The following TBC1D4 variants were observed in gnomAD, a reference collection of about 807,000 sequenced individuals.
TBC1D4 encodes the protein TBC (Tre-2, BUB2, CDC16) domain-containing protein.
In TBC1D4, 121 loss-of-function variants were observed where a neutral mutation model predicts 142.5. That is an observed-to-expected ratio of 0.85 (90% CI 0.73 to 0.99). The LOEUF is 0.99. Among genes scored for constraint, TBC1D4 ranks in the 50% least tolerant of loss-of-function variants. TBC1D4 has a pLI of 0.00. For missense variants in TBC1D4, 1,475 were observed against 1,606.6 expected, an observed-to-expected ratio of 0.92 and a Z score of 1.40; for synonymous variants, 630 against 628.2, an observed-to-expected ratio of 1.00 and a Z score of -0.04.
intron 1 of TBC1D4, chr13:75,377,299 C>T (rs1262700688): frequency 1.3e-5 from 2 of 152,160 alleles, no homozygotes; most frequent in Admixed American, 6.6e-5. Context: ...ACAGCTAGGG[C>T]CATCTGCTAC....
Position 75,426,735 on chromosome 13 carries a change from A to C in TBC1D4, c.498+54535T>G, listed in dbSNP as rs540744915. Among the ~76,000 whole-genome samples, 3 of 152,292 alleles carry C rather than the reference A, an allele frequency of 2.0e-5. No homozygotes were observed. In the South Asian group the frequency reaches 6.2e-4, roughly 32 times the overall value. On this transcript the variant is annotated intron_variant, in intron 1 of 20. Coordinates refer to ENST00000377636, the MANE Select transcript of TBC1D4 (RefSeq NM_014832.5). ...AGCATCCCCAAAACAAAAAGCTTTAAACAGAAGTAGAAAGAATGAATATTG... is the reference window on the plus strand; with the variant it reads ...AGCATCCCCAAAACAAAAAGCTTTACACAGAAGTAGAAAGAATGAATATTG...
intron 1 of TBC1D4, among the ~76,000 whole-genome samples, chr13:75,447,765 A>ATG (rs1887353529): frequency 1.3e-5 from 2 of 152,040 alleles, no homozygotes; most frequent in African/African-American, 4.8e-5. Context: ...GATCAGCAGC[A>ATG]GCATTAGATT....
At chr13:75,435,049 T>C (rs1273446762) in intron 1 of TBC1D4, among the ~76,000 whole-genome samples, 1 of 151,644 alleles carries the variant, frequency 6.6e-6, no homozygotes, top group Non-Finnish European at 1.5e-5. Flanking sequence ...CAATGAATGC[T>C]CTTTAACCCA....
At chr13:75,479,665 C>T (rs1271188833) in intron 1 of TBC1D4, among the ~76,000 whole-genome samples, 1 of 151,810 alleles carries the variant, frequency 6.6e-6, no homozygotes, top group Non-Finnish European at 1.5e-5. Flanking sequence ...AAAAATGCAA[C>T]TGGCTCCTCT....
intron 1 of TBC1D4, among the ~76,000 whole-genome samples, chr13:75,414,260 T>G (rs1885817639): frequency 6.6e-6 from 1 of 152,152 alleles, no homozygotes; most frequent in Non-Finnish European, 1.5e-5. Flanking sequence ...GCCAGGTCAC[T>G]CTGTAGAAAG....
At chr13:75,464,023 G>C (rs557871369) in intron 1 of TBC1D4, among the ~76,000 whole-genome samples, 249 of 152,290 alleles carry the variant, frequency 1.6e-3, no homozygotes, top group Non-Finnish European at 2.3e-3. Context: ...GTTTATTTCT[G>C]TCAGAATTCA....
intron 4 of TBC1D4, among the ~76,000 whole-genome samples, chr13:75,355,411 G>A (rs1755804): frequency 0.99 from 151,080 of 152,374 alleles, 74,905 homozygotes; most frequent in Middle Eastern, 1. Context: ...TTTCTTAGCC[G>A]CTCAGATATA....
chr13:75,367,325 G>A (rs564617195), intron 1 of TBC1D4, among the ~76,000 whole-genome samples: 2 of 151,934 alleles, frequency 1.3e-5, no homozygotes, highest in South Asian at 2.1e-4. Context: ...TTATTCACAC[G>A]GTTCACTGAT....
intron 15 of TBC1D4, chr13:75,302,820 G>A (rs531188400): frequency 8.8e-6 from 2 of 227,670 alleles, no homozygotes; most frequent in African/African-American, 4.6e-5. Context: ...TGGCTAGGAA[G>A]TGGCAGTTTA....
At chr13:75,430,475 TG>T (rs1385334488) in intron 1 of TBC1D4, among the ~76,000 whole-genome samples, 1 of 152,240 alleles carries the variant, frequency 6.6e-6, no homozygotes, top group African/African-American at 2.4e-5. Context: ...TCTTAATATC[TG>T]TATCTTCTTT....
chr13:75,339,535 C>T (rs76656919), intron 7 of TBC1D4, among the ~76,000 whole-genome samples: 526 of 152,228 alleles, frequency 3.5e-3, no homozygotes, highest in African/African-American at 0.011. Context: ...AATTCCAGTG[C>T]CTGCATGGAG....
At chr13:75,395,557 A>G (rs1884747258) in intron 1 of TBC1D4, among the ~76,000 whole-genome samples, 1 of 152,196 alleles carries the variant, frequency 6.6e-6, no homozygotes, top group Admixed American at 6.5e-5. Context: ...ACGGCTAGGC[A>G]CGGTGGCTCA....
At chr13:75,433,934 A>G (rs1886688584) in intron 1 of TBC1D4, among the ~76,000 whole-genome samples, 1 of 152,250 alleles carries the variant, frequency 6.6e-6, no homozygotes, top group African/African-American at 2.4e-5. Flanking sequence ...TGATCATTAG[A>G]GAAACGCAAA....
intron 1 of TBC1D4, among the ~76,000 whole-genome samples, chr13:75,393,757 C>T (rs1884618065): frequency 7.9e-5 from 12 of 152,000 alleles, no homozygotes; most frequent in Admixed American, 7.9e-4. Flanking sequence ...CCCGGAGAAA[C>T]CCCAACTCTA....
chr13:75,386,386 C>CTTTTTTT (rs67450573), intron 1 of TBC1D4, among the ~76,000 whole-genome samples: 25 of 143,742 alleles, frequency 1.7e-4, no homozygotes, highest in African/African-American at 5.8e-4. Flanking sequence ...TTTTCTTTTT[C>CTTTTTTT]TTTTTCTTTT....
intron 2 of TBC1D4, among the ~76,000 whole-genome samples, chr13:75,361,109 T>C (rs1328133659): frequency 1.3e-5 from 2 of 152,238 alleles, no homozygotes; most frequent in Non-Finnish European, 2.9e-5. Flanking sequence ...CTATACCCTG[T>C]ACAACATTCA....
chr13:75,311,743 T>G (rs961967271), intron 13 of TBC1D4, among the ~76,000 whole-genome samples: 4 of 152,154 alleles, frequency 2.6e-5, no homozygotes, highest in Admixed American at 2.6e-4. Flanking sequence ...TTTTTTGGCA[T>G]TGTGGTCAGA....
In TBC1D4 at chr13:75,356,382, G is replaced by C. The variant is rs913504633; in HGVS notation, c.1171-131C>G. On this transcript the variant is annotated intron_variant, in intron 3 of 20. Transcript: ENST00000377636. Reference sequence around the variant, plus strand: ...TTCTCCTTCACAGCAATGAAGGGGGGACATAATGCCATAGCAAACTCATGC... The same window carrying C: ...TTCTCCTTCACAGCAATGAAGGGGGCACATAATGCCATAGCAAACTCATGC... The C allele has an allele frequency of 1.8e-5, 13 of 725,484 alleles. No individual in the cohort carries two copies. In the South Asian group the frequency reaches 1.8e-4, roughly 10 times the overall value. The allele number at this position is 725,484 out of a possible 1,614,324, so 44.9% of individuals were successfully genotyped here. A position where few individuals can be genotyped will look rare whatever the true frequency, so the allele number is the denominator to read the frequency against.
Position 75,346,687 on chromosome 13 carries a change from G to A in TBC1D4, c.1408+2483C>T, listed in dbSNP as rs533029548. 3.4e-4 allele frequency among the ~76,000 whole-genome samples: 52 copies of A among 152,130 alleles called. No individual in the cohort carries two copies. In the South Asian group the frequency reaches 8.3e-3, roughly 24 times the overall value. ...CAGTAATGGGATTGCTGGATCAAATGGTATTTCTGGCTCTAGACCCTTGAG... is the reference window on the plus strand; with the variant it reads ...CAGTAATGGGATTGCTGGATCAAATAGTATTTCTGGCTCTAGACCCTTGAG... On this transcript the variant is annotated intron_variant, in intron 5 of 20. Coordinates refer to ENST00000377636, the MANE Select transcript of TBC1D4 (RefSeq NM_014832.5).
Sources: allele counts gnomAD v4.1 joint callset (sites outside exome capture counted in the v4.1 genomes callset), GRCh38; gene constraint gnomAD v4.1.1; transcripts MANE v1.5; gene names NCBI Gene and HGNC (gene_info 2026-07-23, HGNC 2026-07-21).